TANC2: variants seen among roughly 807,000 people sequenced by gnomAD.
TANC2 encodes the protein tetratricopeptide repeat, ankyrin repeat and coiled-coil containing 2.
Under a neutral mutation model 210.5 loss-of-function variants are expected in TANC2, and 26 were observed. The ratio of observed to expected loss-of-function variants is 0.12; its 90% CI spans 0.09 to 0.17. The LOEUF (loss-of-function observed/expected upper bound fraction) is 0.17, where lower values mean the gene tolerates loss of function less well. TANC2 is among the 10% of genes least tolerant of loss of function. The pLI is 1.00. For missense variants in TANC2, 2,129 were observed against 2,608.9 expected, an observed-to-expected ratio of 0.82 and a Z score of 4.01; for synonymous variants, 931 against 967.1, an observed-to-expected ratio of 0.96 and a Z score of 0.69.
At chr17:63,139,086 A>G (rs142256583) in intron 4 of TANC2, among the ~76,000 whole-genome samples, 3 of 152,336 alleles carry the variant, frequency 2.0e-5, no homozygotes, top group African/African-American at 4.8e-5. Context: ...TATCTCATCA[A>G]ATGACTAGAT....
chr17:63,163,301 A>G (rs2040091560), intron 5 of TANC2, among the ~76,000 whole-genome samples: 1 of 152,180 alleles, frequency 6.6e-6, no homozygotes, highest in Non-Finnish European at 1.5e-5. Flanking sequence ...GGAGTGGGTG[A>G]CTGAAAGAGG....
chr17:63,103,282 A>G (rs547497454), intron 4 of TANC2, among the ~76,000 whole-genome samples: 1 of 152,302 alleles, frequency 6.6e-6, no homozygotes, highest in Non-Finnish European at 1.5e-5. Flanking sequence ...GCCGGTGTAT[A>G]TAAAGACTCA....
chr17:62,997,701 A>T (rs1023165340), intron 1 of TANC2, among the ~76,000 whole-genome samples: 1 of 152,128 alleles, frequency 6.6e-6, no homozygotes, highest in Non-Finnish European at 1.5e-5. Context: ...TTTTCTTACT[A>T]TTTAAAATAT....
intron 1 of TANC2, among the ~76,000 whole-genome samples, chr17:62,995,052 C>T (rs915497235): frequency 2.0e-5 from 3 of 152,164 alleles, no homozygotes; most frequent in Non-Finnish European, 2.9e-5. Context: ...AAGGATGAAA[C>T]GGTTATCACT....
intron 2 of TANC2, among the ~76,000 whole-genome samples, chr17:63,052,422 A>G (rs2035615460): frequency 6.6e-6 from 1 of 152,196 alleles, no homozygotes; most frequent in Non-Finnish European, 1.5e-5. Context: ...GCTACATTTT[A>G]TGCAGAGGAG....
At chr17:63,266,463 GTT>G (rs2043529890) in intron 8 of TANC2, among the ~76,000 whole-genome samples, 2 of 152,078 alleles carry the variant, frequency 1.3e-5, no homozygotes, top group Non-Finnish European at 2.9e-5. Context: ...TATATATGAG[GTT>G]GGAGATGTAA....
At chr17:63,350,479 A>G (rs771978310) in intron 12 of TANC2, among the ~76,000 whole-genome samples, 5 of 152,222 alleles carry the variant, frequency 3.3e-5, no homozygotes, top group Non-Finnish European at 7.3e-5. Context: ...AATTTTCCCA[A>G]GCTGCTTCGT....
intron 8 of TANC2, among the ~76,000 whole-genome samples, chr17:63,248,443 A>T (rs2042973705): frequency 6.6e-6 from 1 of 152,138 alleles, no homozygotes; most frequent in Admixed American, 6.5e-5. Flanking sequence ...TAAACTTCTC[A>T]TCTTTTTTAA....
At chr17:63,378,002 G>T (rs756997618) in intron 14 of TANC2, among the ~76,000 whole-genome samples, 8 of 152,094 alleles carry the variant, frequency 5.3e-5, no homozygotes, top group Non-Finnish European at 8.8e-5. Flanking sequence ...CCATGATTCA[G>T]TTACCTCCCA....
chr17:63,143,344 A>G (rs1205769556), intron 4 of TANC2, among the ~76,000 whole-genome samples: 5 of 152,152 alleles, frequency 3.3e-5, no homozygotes, highest in African/African-American at 4.8e-5. Context: ...TCTAGTAGAG[A>G]GTGGGGCCTT....
At chr17:63,411,599 G>C in exon 22 of TANC2, 1 of 1,614,004 alleles carries the variant, frequency 6.2e-7, no homozygotes, top group Non-Finnish European at 8.5e-7. Context: ...TACGTTCTCT[G>C]GTGGATAACG....
rs1270974404 is a variant in TANC2, at chr17:63,197,723, ATC to A, written c.583-3047_583-3046del. 4 of 152,276 alleles carry A rather than the reference ATC, an allele frequency of 2.6e-5. No individual in the cohort carries two copies. In the East Asian group the frequency reaches 7.7e-4, roughly 29 times the overall value. The allele number at this position is 152,276 out of a possible 1,614,324, so 9.4% of individuals were successfully genotyped here. ...TGTGTATTTGTAGGACCTTTAAGAG[ATC>A]CAGATTGGGAGCTTTCTTAGGATCC... is the stretch of plus-strand genomic sequence containing the variant. On this transcript the variant is annotated intron_variant, in intron 6 of 27. Transcript: ENST00000689528.
At chr17:63,285,894 G>A (rs148112008) in intron 9 of TANC2, among the ~76,000 whole-genome samples, 4 of 152,150 alleles carry the variant, frequency 2.6e-5, no homozygotes, top group East Asian at 1.9e-4. Context: ...ACAATGAGCC[G>A]TTCTTACCAG....
chr17:63,296,637 G>A (rs1352678123), intron 9 of TANC2, among the ~76,000 whole-genome samples: 1 of 152,154 alleles, frequency 6.6e-6, no homozygotes, highest in Non-Finnish European at 1.5e-5. Context: ...GTATTAAATA[G>A]GGTCAAAGAG....
chr17:63,251,766 T>G (rs1363685744), intron 8 of TANC2, among the ~76,000 whole-genome samples: 6 of 152,178 alleles, frequency 3.9e-5, no homozygotes. Flanking sequence ...TACTTCTATT[T>G]GGATTTTTGA....
intron 4 of TANC2, among the ~76,000 whole-genome samples, chr17:63,147,980 A>G (rs549545115): frequency 3.9e-4 from 59 of 152,336 alleles, no homozygotes; most frequent in African/African-American, 1.4e-3. Flanking sequence ...TGTTTTTAGA[A>G]CATTTATTCT....
intron 9 of TANC2, among the ~76,000 whole-genome samples, chr17:63,289,340 A>G (rs914418939): frequency 6.6e-6 from 1 of 151,458 alleles, no homozygotes; most frequent in Non-Finnish European, 1.5e-5. Context: ...TTCCACAGTC[A>G]TTGGATATTT....
rs2041448373 is a variant in TANC2 at position 63,199,210 on chromosome 17, A to G, written c.583-1561A>G. On this transcript the variant is annotated intron_variant, in intron 6 of 27. Transcript: ENST00000689528. ...ATTTTAGCAGAAAGAGTATGAATAG[A>G]GACTCTATTTGTAAAGAAGTTGAAA... 2.0e-5 allele frequency among the ~76,000 whole-genome samples: 3 copies of G among 152,330 alleles called. No homozygotes were observed. The South Asian group carries it at 6.2e-4, about 32-fold the overall frequency.
At position 62,966,497 on chromosome 17, in the gene TANC2, C is replaced by T. The variant is rs1180782587; in HGVS notation, c.-276C>T. Among the ~76,000 whole-genome samples, 1 of 148,972 alleles carries T rather than the reference C, an allele frequency of 6.7e-6. No individual in the cohort carries two copies. The highest frequency in any genetic ancestry group is 1.5e-5 in the Non-Finnish European group (1 of 66,716). Reference sequence around the variant, plus strand: ...CGCGCTAGGCGGAGCGAGGCGCCCGCCGCCGCCGAGCCGAGCCGAGGGGCG... The same window carrying T: ...CGCGCTAGGCGGAGCGAGGCGCCCGTCGCCGCCGAGCCGAGCCGAGGGGCG... On this transcript the variant is annotated 5_prime_UTR_variant, in exon 1 of 28. Transcript: ENST00000689528. This position sits in a 1 kb window ranked among gnomAD's most constrained non-coding sequence, Gnocchi z 5.1.
Sources: gnomAD v4.1 joint callset for allele counts (sites outside exome capture counted in the v4.1 genomes callset) on GRCh38, gnomAD v4.1.1 for gene constraint, Gnocchi (gnomAD v3.1) non-coding constraint, MANE v1.5 for transcripts, NCBI Gene and HGNC (gene_info 2026-07-23, HGNC 2026-07-21) for gene names.